Variants in CATSPERE observed in about 807,000 individuals in gnomAD.
The protein encoded by CATSPERE is cation channel sperm-associated auxiliary subunit epsilon.
CATSPERE carries 93 observed loss-of-function variants against 114.1 expected under a neutral mutation model. The observed-to-expected ratio is 0.81, with a 90% CI of 0.69 to 0.97. The LOEUF (loss-of-function observed/expected upper bound fraction) is 0.97, where lower values mean the gene tolerates loss of function less well. Among genes scored for constraint, CATSPERE ranks in the 50% least tolerant of loss-of-function variants. CATSPERE has a pLI of 0.00. For synonymous variants in CATSPERE, 341 were observed against 384.1 expected (o/e 0.89, Z 1.31); for missense variants, 1,058 against 1,131.6 (o/e 0.93, Z 0.93).
chr1:244,519,626 A>G (rs1469394367), intron 8 of CATSPERE, among the ~76,000 whole-genome samples: 1 of 152,090 alleles, frequency 6.6e-6, no homozygotes, highest in East Asian at 1.9e-4. Flanking sequence ...GTGCCCTACA[A>G]TGGGATGGCG....
In CATSPERE at chr1:244,575,163, T is replaced by C. The variant is rs1665048353; in HGVS notation, c.1950+2391T>C. ...CTCTCCTGTTTCTTTCTGATTTTCC[T>C]TTTTACTTTCTCCCTTCCTCTCTTA... On this transcript the variant is annotated intron_variant, in intron 11 of 21. Transcript: ENST00000366534. This position sits in a 1 kb window ranked among gnomAD's most constrained non-coding sequence, Gnocchi z 4.5. 1.3e-5 allele frequency among the ~76,000 whole-genome samples: 2 copies of C among 152,248 alleles called. No individual in the cohort carries two copies. The highest frequency in any genetic ancestry group is 2.4e-5 in the African/African-American group (1 of 41,474).
chr1:244,461,833 AGACGGCCTC>A (rs1214704162), intron 1 of CATSPERE, among the ~76,000 whole-genome samples: 3 of 152,158 alleles, frequency 2.0e-5, no homozygotes, highest in African/African-American at 7.2e-5. Flanking sequence ...TTTGTTTTAG[AGACGGCCTC>A]TTGCTCCGTT....
Position 244,568,851 on chromosome 1 carries a change from C to A in CATSPERE, c.1508-3479C>A, listed in dbSNP as rs1329372323. Among the ~76,000 whole-genome samples the A allele has an allele frequency of 6.6e-6, 1 of 152,126 alleles. No individual in the cohort carries two copies. Among genetic ancestry groups the A allele is most frequent in the Non-Finnish European group, 1.5e-5 (1 of 68,018 alleles). On this transcript the variant is annotated intron_variant, in intron 10 of 21. Transcript: ENST00000366534. This position sits in a 1 kb window ranked among gnomAD's most constrained non-coding sequence, Gnocchi z 4.4. ...CAGCCCCCTTTCCAGCGGAGTGAATCGTTCTCTCTCACTGGTGTTCCTGGC... is the reference window on the plus strand; with the variant it reads ...CAGCCCCCTTTCCAGCGGAGTGAATAGTTCTCTCTCACTGGTGTTCCTGGC...
upstream of CATSPERE, among the ~76,000 whole-genome samples, chr1:244,459,160 C>T (rs1666424175): frequency 6.7e-6 from 1 of 150,174 alleles, no homozygotes; most frequent in African/African-American, 2.5e-5. Flanking sequence ...CTCACTGCAA[C>T]CTCCGCCTCC....
intron 19 of CATSPERE, among the ~76,000 whole-genome samples, chr1:244,611,815 G>A (rs1670766659): frequency 6.6e-6 from 1 of 152,118 alleles, no homozygotes; most frequent in South Asian, 2.1e-4. Context: ...ATACTCCAAA[G>A]AAGCAGTGAG....
chr1:244,455,418 A>G (rs1666055700), intron 1 of CATSPERE, among the ~76,000 whole-genome samples: 1 of 152,104 alleles, frequency 6.6e-6, no homozygotes, highest in Non-Finnish European at 1.5e-5. Flanking sequence ...ACTTAATTTC[A>G]GGTGGGAAGT....
upstream of CATSPERE, chr1:244,451,659 G>T (rs1347271453): frequency 8.7e-6 from 14 of 1,610,954 alleles, no homozygotes; most frequent in Non-Finnish European, 1.2e-5. The surrounding 1 kb of genome is among the most constrained non-coding windows in gnomAD (Gnocchi z 6.6). Flanking sequence ...CGATGTCGGC[G>T]TCCTGCGCCA....
At chr1:244,544,072 C>CA (rs67880287) in intron 8 of CATSPERE, among the ~76,000 whole-genome samples, 189 of 151,804 alleles carry the variant, frequency 1.2e-3, no homozygotes, top group African/African-American at 4.0e-3. Flanking sequence ...ACAAAATATA[C>CA]AAAAAAAAAA....
intron 6 of CATSPERE, among the ~76,000 whole-genome samples, chr1:244,498,284 G>A (rs1261094826): frequency 2.0e-5 from 3 of 152,046 alleles, no homozygotes; most frequent in Non-Finnish European, 4.4e-5. Context: ...TTTGTAAAAG[G>A]GATGAAAATA....
chr1:244,531,724 G>A (rs566593758), intron 8 of CATSPERE, among the ~76,000 whole-genome samples: 1 of 152,058 alleles, frequency 6.6e-6, no homozygotes, highest in East Asian at 1.9e-4. Flanking sequence ...CATTGAATTC[G>A]GTTTGTTACC....
At chr1:244,551,191 T>C (rs1660565053) in intron 8 of CATSPERE, among the ~76,000 whole-genome samples, 2 of 152,162 alleles carry the variant, frequency 1.3e-5, no homozygotes, top group Non-Finnish European at 2.9e-5. Flanking sequence ...AAAAAATGTA[T>C]GTTTATACAT....
At chr1:244,492,318 A>T (rs1219189258) in intron 6 of CATSPERE, among the ~76,000 whole-genome samples, 2 of 152,170 alleles carry the variant, frequency 1.3e-5, no homozygotes, top group Non-Finnish European at 2.9e-5. Flanking sequence ...GTAATCCAGC[A>T]TATAAACAGA....
At chr1:244,585,926 G>GA (rs1447556193) in intron 13 of CATSPERE, among the ~76,000 whole-genome samples, 1 of 152,194 alleles carries the variant, frequency 6.6e-6, no homozygotes, top group Non-Finnish European at 1.5e-5. Flanking sequence ...CTTTCCCTGG[G>GA]AGGGGTGACT....
At chr1:244,583,049 G>C (rs1666470198) in intron 12 of CATSPERE, among the ~76,000 whole-genome samples, 1 of 151,836 alleles carries the variant, frequency 6.6e-6, no homozygotes, top group African/African-American at 2.4e-5. Flanking sequence ...AGGAGAGGCT[G>C]AATTCCTTTC....
intron 2 of CATSPERE, among the ~76,000 whole-genome samples, chr1:244,471,183 A>T (rs1668420923): frequency 6.6e-6 from 1 of 152,240 alleles, no homozygotes; most frequent in East Asian, 1.9e-4. Context: ...AAAGTTGTTT[A>T]AAAAACCATA....
chr1:244,548,695 A>G (rs975411495), intron 8 of CATSPERE, among the ~76,000 whole-genome samples: 2 of 152,242 alleles, frequency 1.3e-5, no homozygotes, highest in Non-Finnish European at 2.9e-5. Flanking sequence ...TCCAGCTGGC[A>G]TGATAGAATA....
chr1:244,531,078 AATT>A (rs1679504814), intron 8 of CATSPERE, among the ~76,000 whole-genome samples: 4 of 141,964 alleles, frequency 2.8e-5, no homozygotes, highest in Non-Finnish European at 5.9e-5. Context: ...AAATAAAAAA[AATT>A]TAAAAAAAGC....
At position 244,515,348 on chromosome 1, in the gene CATSPERE, T is replaced by G. The variant is rs547990254; in HGVS notation, c.430-3244T>G. ...GGATGGTGAGATTTTTTTCATTATT[T>G]GTTCAACAAATATTTATAAATGCAG... On this transcript the variant is annotated intron_variant, in intron 7 of 21. Transcript: ENST00000366534. 6.7e-4 allele frequency: 654 copies of G among 974,278 alleles called. 12 individuals are homozygous for G. In the South Asian group the frequency reaches 0.026, roughly 39 times the overall value. The allele number at this position is 974,278 out of a possible 1,614,324, so 60.4% of individuals were successfully genotyped here. A position where few individuals can be genotyped will look rare whatever the true frequency, so the allele number is the denominator to read the frequency against.
At position 244,534,197 on chromosome 1, in the gene CATSPERE, TC is replaced by T. The variant is rs764788743; in HGVS notation, c.536+15501del. On this transcript the variant is annotated intron_variant, in intron 8 of 21. Transcript: ENST00000366534. Reference sequence around the variant, plus strand: ...TGCTGCTTTTAGGATCCTTTCTTTATCCTTCACCTTTATAGTAGTTTGATAT... The same window carrying T: ...TGCTGCTTTTAGGATCCTTTCTTTATCTTCACCTTTATAGTAGTTTGATAT... Among the ~76,000 whole-genome samples the T allele has an allele frequency of 7.9e-5, 12 of 152,326 alleles. 1 individual carries two copies. In the East Asian group the frequency reaches 1.3e-3, roughly 17 times the overall value.
Sources: gnomAD v4.1 joint callset for allele counts (sites outside exome capture counted in the v4.1 genomes callset) on GRCh38, gnomAD v4.1.1 for gene constraint, Gnocchi (gnomAD v3.1) non-coding constraint, MANE v1.5 for transcripts, NCBI Gene and HGNC (gene_info 2026-07-23, HGNC 2026-07-21) for gene names.